Variants in RYR1 observed in about 807,000 individuals in gnomAD.
RYR1 encodes central core disease of muscle.
Under a neutral mutation model 583.5 loss-of-function variants are expected in RYR1, and 342 were observed. The observed-to-expected ratio is 0.59, with a 90% CI of 0.54 to 0.64. The LOEUF (loss-of-function observed/expected upper bound fraction) is 0.64, where lower values mean the gene tolerates loss of function less well. Among genes scored for constraint, RYR1 ranks in the 30% least tolerant of loss-of-function variants. The pLI is 0.00. For missense variants in RYR1, 6,032 were observed against 6,917.2 expected (o/e 0.87, Z 4.54); for synonymous variants, 2,791 against 2,822.5 (o/e 0.99, Z 0.35).
intron 9 of RYR1, among the ~76,000 whole-genome samples, chr19:38,447,223 T>TCAAA (rs142759401): frequency 4.8e-4 from 72 of 150,372 alleles, no homozygotes; most frequent in African/African-American, 1.5e-3. Context: ...AGATCCTGTC[T>TCAAA]CAAACAAACA....
intron 70 of RYR1, among the ~76,000 whole-genome samples, chr19:38,524,453 G>T (rs1326000096): frequency 6.6e-6 from 1 of 152,214 alleles, no homozygotes; most frequent in African/African-American, 2.4e-5. Flanking sequence ...CCACCCCAGG[G>T]CTCTGCGAGG....
rs139773017 is a variant in RYR1 at position 38,443,955 on chromosome 19, C to G, written c.424+159C>G. ...CTGCGGTACAGTCCAGACAGGGAGA[C>G]AGACACACGTTGGGGACCACTAGGC... On this transcript the variant is annotated intron_variant, in intron 5 of 105. Transcript: ENST00000359596. Among the ~76,000 whole-genome samples the G allele has an allele frequency of 5.4e-3, 819 of 152,182 alleles. 5 individuals carry two copies. The highest frequency in any genetic ancestry group is 0.018 in the African/African-American group (766 of 41,508).
At position 38,502,741 on chromosome 19, in the gene RYR1, G is replaced by T. The variant is rs752999387; in HGVS notation, c.7835+14G>T. 2.5e-6 allele frequency: 4 copies of T among 1,579,334 alleles called. No individual in the cohort carries two copies. The highest frequency in any genetic ancestry group is 3.4e-6 in the Non-Finnish European group (4 of 1,169,858). On this transcript the variant is annotated intron_variant, in intron 48 of 105. Coordinates refer to ENST00000359596, the MANE Select transcript of RYR1 (RefSeq NM_000540.3). ...GTCGCTCTGCAGGTGGAGCGGGGCA[G>T]GCTTCAGGGTGGGGCAGGGGCAGGG...
Position 38,484,263 on chromosome 19 carries a change from G to C in RYR1, c.4934+747G>C, listed in dbSNP as rs1281589156. 5.3e-5 allele frequency among the ~76,000 whole-genome samples: 8 copies of C among 152,260 alleles called. No individual in the cohort carries two copies. The East Asian group carries it at 1.4e-3, about 26-fold the overall frequency. On this transcript the variant is annotated intron_variant, in intron 33 of 105. Coordinates refer to ENST00000359596, the MANE Select transcript of RYR1 (RefSeq NM_000540.3). Reference sequence around the variant, plus strand: ...GCTAGGATCACGCCACTGCACTCCAGCCTGGGCAACAGAGCAAGATGCCAT... The same window carrying C: ...GCTAGGATCACGCCACTGCACTCCACCCTGGGCAACAGAGCAAGATGCCAT...
rs1973940356 is a variant in RYR1, at chr19:38,575,968, G to A, written c.14172+7G>A. On this transcript the variant is annotated splice_region_variant and intron_variant, in intron 97 of 105. Transcript: ENST00000359596. ...CAAGTTTGTCAAGCGCAAGGTGAGA[G>A]GACATGGATGCCCTGGGTCCTGGAT... 1.9e-6 allele frequency: 3 copies of A among 1,614,188 alleles called. No individual in the cohort carries two copies. Among genetic ancestry groups the A allele is most frequent in the South Asian group, 1.1e-5 (1 of 91,088 alleles).
At chr19:38,493,334 A>G (rs1193806872) in intron 38 of RYR1, among the ~76,000 whole-genome samples, 2 of 152,104 alleles carry the variant, frequency 1.3e-5, no homozygotes, top group Non-Finnish European at 2.9e-5. Context: ...CAAACTGTAT[A>G]TTAGCCACAT....
chr19:38,506,418 TG>T lies in RYR1; in HGVS notation c.8617-46del, dbSNP rs746429995. The stretch of plus-strand genomic sequence containing the variant: ...CTTTTGGGGGGACATAGGGTGTCTT[TG>T]GGGGGGCTGGCATCCTCTGAATCTA... On this transcript the variant is annotated intron_variant, in intron 55 of 105. Coordinates refer to ENST00000359596, the MANE Select transcript of RYR1 (RefSeq NM_000540.3). 12 of 1,612,570 alleles carry T rather than the reference TG, an allele frequency of 7.4e-6. No homozygotes were observed. The African/African-American group carries it at 9.4e-5, about 13-fold the overall frequency.
At position 38,565,336 on chromosome 19, in the gene RYR1, G is replaced by A. The variant is rs1174169233; in HGVS notation, c.13002G>A (p.Ala4334=). Residue 4334 remains alanine, a synonymous_variant, in exon 91 of 106, where the codon GCG becomes GCA. Transcript: ENST00000359596. The surrounding 1 kb of genome is among the most constrained non-coding windows in gnomAD (Gnocchi z 4.7). The stretch of plus-strand genomic sequence containing the variant: ...GCGAGGCGGCCACCGCAGTGGCGGC[G>A]CTGCTCTGGGCAGCAGTGACGCGCG... ...TAREAATAVA[A]LLWAAVTRAG... 4 of 1,212,942 alleles carry A rather than the reference G, an allele frequency of 3.3e-6. No homozygotes were observed. The highest frequency in any genetic ancestry group is 4.1e-6 in the Non-Finnish European group (4 of 978,516). The allele number at this position is 1,212,942 out of a possible 1,614,324, so 75.1% of individuals were successfully genotyped here.
At chr19:38,520,393 T>C (rs1971173712) in intron 67 of RYR1, among the ~76,000 whole-genome samples, 1 of 140,868 alleles carries the variant, frequency 7.1e-6, no homozygotes, top group African/African-American at 2.6e-5. Context: ...AACACAACAA[T>C]ACACCATGAA....
chr19:38,512,265 C>T lies in RYR1; in HGVS notation c.9254C>T (p.Pro3085Leu). The change falls in exon 63 of 106, where the codon CCT becomes CTT. Residue 3085 changes from proline to leucine, a missense_variant. Transcript: ENST00000359596. The surrounding 1 kb of genome is among the most constrained non-coding windows in gnomAD (Gnocchi z 5.1). ...LDARTVMKSG[P>L]EIVKAGLRSF... ...TCTAGGACAGTGATGAAGTCAGGCC[C>T]TGAGATCGTGAAGGCTGGCCTCCGC... 1 of 1,614,246 alleles carries T rather than the reference C, an allele frequency of 6.2e-7. No individual in the cohort carries two copies. The highest frequency in any genetic ancestry group is 8.5e-7 in the Non-Finnish European group (1 of 1,180,034).
Position 38,499,242 on chromosome 19 carries a change from C to T in RYR1, c.7026C>T (p.Asn2342=), listed in dbSNP as rs202061237. The change falls in exon 43 of 106, where the codon AAC becomes AAT. Residue 2342 remains asparagine, a splice_region_variant and synonymous_variant. Transcript: ENST00000359596. This position sits in a 1 kb window ranked among gnomAD's most constrained non-coding sequence, Gnocchi z 7.3. Reference sequence around the variant, plus strand: ...TCCTGCGCTTTGCTGTCTTCGTCAACGGTGAGGAGGGGGTGGCAGTGGCAG... The same window carrying T: ...TCCTGCGCTTTGCTGTCTTCGTCAATGGTGAGGAGGGGGTGGCAGTGGCAG... ...LDFLRFAVFV[N]GESVEENANV... The T allele has an allele frequency of 2.2e-4, 357 of 1,614,030 alleles. No individual in the cohort carries two copies. Among genetic ancestry groups the T allele is most frequent in the Non-Finnish European group, 2.7e-4 (321 of 1,180,012 alleles).
At chr19:38,519,068 A>G in intron 66 of RYR1, 146 bp from the exon 67 acceptor site, 1 of 1,332,760 alleles carries the variant, frequency 7.5e-7, no homozygotes, top group South Asian at 1.2e-5. Context: ...ATCAGTGTTC[A>G]GGGACTATAT....
Position 38,497,336 on chromosome 19 carries a change from AG to A in RYR1, c.6891+384del, listed in dbSNP as rs1467439832. On this transcript the variant is annotated intron_variant, in intron 42 of 105. Coordinates refer to ENST00000359596, the MANE Select transcript of RYR1 (RefSeq NM_000540.3). ...CGATCCACAGTCTAGGCTTCCAGCCAGGTGGCCTTGGCACATTTCTTCGCTC... is the reference window on the plus strand; with the variant it reads ...CGATCCACAGTCTAGGCTTCCAGCCAGTGGCCTTGGCACATTTCTTCGCTC... Among the ~76,000 whole-genome samples, 4 of 152,214 alleles carry A rather than the reference AG, an allele frequency of 2.6e-5. No homozygotes were observed. The East Asian group carries it at 7.7e-4, about 29-fold the overall frequency.
At chr19:38,518,802 G>A (rs1017609618) in intron 66 of RYR1, among the ~76,000 whole-genome samples, 4 of 152,100 alleles carry the variant, frequency 2.6e-5, no homozygotes, top group Admixed American at 6.6e-5. Context: ...GGTGGCAGAC[G>A]CCTGTAATCC....
At chr19:38,518,480 C>T (rs1376545219) in intron 66 of RYR1, among the ~76,000 whole-genome samples, 1 of 150,476 alleles carries the variant, frequency 6.6e-6, no homozygotes, top group Non-Finnish European at 1.5e-5. Flanking sequence ...AAATCAGGAG[C>T]TGGGATCAGA....
chr19:38,559,992 T>C (rs1419562562), intron 89 of RYR1, among the ~76,000 whole-genome samples: 1 of 151,742 alleles, frequency 6.6e-6, no homozygotes, highest in Non-Finnish European at 1.5e-5. Flanking sequence ...GTCAAGAACA[T>C]TTTATGCTGC....
intron 34 of RYR1, among the ~76,000 whole-genome samples, chr19:38,487,341 T>C (rs1486245985): frequency 6.6e-6 from 1 of 152,162 alleles, no homozygotes; most frequent in Non-Finnish European, 1.5e-5. Context: ...ATCCATCTTT[T>C]TGGTTTTGTT....
chr19:38,556,591 T>C (rs1972888664), intron 89 of RYR1, among the ~76,000 whole-genome samples: 1 of 152,118 alleles, frequency 6.6e-6, no homozygotes, highest in Non-Finnish European at 1.5e-5. Flanking sequence ...GGTCTTGCCA[T>C]GTTGCCCAGG....
intron 101 of RYR1, among the ~76,000 whole-genome samples, chr19:38,582,564 T>C (rs1385276168): frequency 6.6e-6 from 1 of 151,948 alleles, no homozygotes; most frequent in African/African-American, 2.4e-5. Flanking sequence ...GGCAAGAGGA[T>C]TGCTTGAGCT....
Sources: gnomAD v4.1 joint callset for allele counts (sites outside exome capture counted in the v4.1 genomes callset) on GRCh38, gnomAD v4.1.1 for gene constraint, Gnocchi (gnomAD v3.1) non-coding constraint, MANE v1.5 for transcripts, NCBI Gene and HGNC (gene_info 2026-07-23, HGNC 2026-07-21) for gene names.